SLC44A5: variants seen among roughly 807,000 people sequenced by gnomAD.
The protein encoded by SLC44A5 is solute carrier family 44 member 5, also known as choline transporter-like protein 5.
Under a neutral mutation model 101.8 loss-of-function variants are expected in SLC44A5, and 57 were observed. The observed-to-expected ratio is 0.56, with a 90% CI of 0.45 to 0.70. The LOEUF (loss-of-function observed/expected upper bound fraction) is 0.70. SLC44A5 is among the 30% of genes least tolerant of loss of function. SLC44A5 has a pLI of 0.00. For missense variants in SLC44A5, 737 were observed against 853.1 expected (o/e 0.86, Z 1.70); for synonymous variants, 281 against 290.9 (o/e 0.97, Z 0.35).
intron 19 of SLC44A5, among the ~76,000 whole-genome samples, chr1:75,214,955 C>T (rs773782026): frequency 2.6e-5 from 4 of 152,118 alleles, no homozygotes; most frequent in Non-Finnish European, 4.4e-5. Flanking sequence ...TTCCCAAATT[C>T]CAGATAATGG....
In SLC44A5 at chr1:75,313,087, G is replaced by A. The variant is rs17096698; in HGVS notation, c.102-12402C>T. Among the ~76,000 whole-genome samples the A allele has an allele frequency of 9.4e-3, 1,435 of 152,232 alleles. 33 individuals are homozygous for A. The highest frequency in any genetic ancestry group is 0.033 in the African/African-American group (1,351 of 41,538). On this transcript the variant is annotated intron_variant, in intron 4 of 23. Transcript: ENST00000370859. ...TTGGGATGAAGTGTGTGGTGAATGC[G>A]GTGTGGTAGCAACACAGAAGAGAAT...
chr1:75,636,658 A>G, the SLC44A5 span, among the ~76,000 whole-genome samples: 1 of 152,266 alleles, frequency 6.6e-6, no homozygotes, highest in South Asian at 2.1e-4. Context: ...AGCTTTGCCA[A>G]TAAGGAATTT....
At chr1:75,262,130 G>A (rs1047791320) in intron 6 of SLC44A5, among the ~76,000 whole-genome samples, 2 of 152,118 alleles carry the variant, frequency 1.3e-5, no homozygotes, top group African/African-American at 4.8e-5. Context: ...TAGAAGTTCT[G>A]GCCAGGGCAA....
At chr1:75,506,532 C>T (rs1285661610) in intron 2 of SLC44A5, among the ~76,000 whole-genome samples, 3 of 152,002 alleles carry the variant, frequency 2.0e-5, no homozygotes, top group South Asian at 2.1e-4. Flanking sequence ...AGCAGTGTTT[C>T]GTAGTTCTTG....
At chr1:75,688,459 G>A in the SLC44A5 span, among the ~76,000 whole-genome samples, 2 of 151,264 alleles carry the variant, frequency 1.3e-5, no homozygotes, top group Admixed American at 1.3e-4. Flanking sequence ...CCAGGCCTAT[G>A]GTTCTTAAGA....
chr1:75,617,722 G>T, the SLC44A5 span, among the ~76,000 whole-genome samples: 1 of 152,038 alleles, frequency 6.6e-6, no homozygotes, highest in Non-Finnish European at 1.5e-5. Flanking sequence ...TCAGAAATAA[G>T]ACTGACTCAA....
At chr1:75,332,683 A>G (rs1657140601) in intron 4 of SLC44A5, among the ~76,000 whole-genome samples, 1 of 152,176 alleles carries the variant, frequency 6.6e-6, no homozygotes, top group South Asian at 2.1e-4. Context: ...GATGTTGAAG[A>G]AGGGGTTCAT....
chr1:75,282,656 G>A (rs951458404), intron 5 of SLC44A5, among the ~76,000 whole-genome samples: 8 of 152,038 alleles, frequency 5.3e-5, no homozygotes, highest in South Asian at 2.1e-4. Context: ...GTGCAGTTTC[G>A]CCGTGCTGTT....
intron 2 of SLC44A5, among the ~76,000 whole-genome samples, chr1:75,470,010 A>G (rs1667021381): frequency 6.6e-6 from 1 of 151,964 alleles, no homozygotes; most frequent in Non-Finnish European, 1.5e-5. Flanking sequence ...ATATTTCCTA[A>G]GCTCCTAAAA....
At chr1:75,506,904 ATTCTT>A (rs1669288837) in intron 2 of SLC44A5, among the ~76,000 whole-genome samples, 1 of 103,444 alleles carries the variant, frequency 9.7e-6, no homozygotes, top group African/African-American at 3.7e-5. Context: ...TCCTATTCCT[ATTCTT>A]TTTTTTTTTT....
chr1:75,368,942 C>T (rs758162362), intron 3 of SLC44A5, among the ~76,000 whole-genome samples: 1 of 151,960 alleles, frequency 6.6e-6, no homozygotes, highest in Non-Finnish European at 1.5e-5. Flanking sequence ...AGCAGGTATA[C>T]ATCTCTCTTA....
intron 5 of SLC44A5, among the ~76,000 whole-genome samples, chr1:75,293,400 G>C (rs1437950897): frequency 1.3e-5 from 2 of 152,162 alleles, no homozygotes; most frequent in Non-Finnish European, 2.9e-5. Context: ...AAAATTAACT[G>C]CATATCTGTT....
Position 75,213,179 on chromosome 1 carries a change from C to T in SLC44A5, c.1962+526G>A, listed in dbSNP as rs116216928. ...TCTCAGGAGACAGCTTCCTGACATACCTTCCGCATGCAATCCTCTGTCTCA... is the reference window on the plus strand; with the variant it reads ...TCTCAGGAGACAGCTTCCTGACATATCTTCCGCATGCAATCCTCTGTCTCA... On this transcript the variant is annotated intron_variant, in intron 22 of 23. Transcript: ENST00000370859. Among the ~76,000 whole-genome samples the T allele has an allele frequency of 7.9e-4, 121 of 152,290 alleles. 1 individual carries two copies. The highest frequency in any genetic ancestry group is 2.8e-3 in the African/African-American group (117 of 41,566).
At chr1:75,652,027 C>A in the SLC44A5 span, among the ~76,000 whole-genome samples, 1 of 152,148 alleles carries the variant, frequency 6.6e-6, no homozygotes, top group Non-Finnish European at 1.5e-5. Context: ...GGGGCTCAAG[C>A]ATGCTTATTA....
chr1:75,400,765 A>G (rs917530975), intron 2 of SLC44A5, among the ~76,000 whole-genome samples: 2 of 152,114 alleles, frequency 1.3e-5, no homozygotes, highest in Admixed American at 6.5e-5. Flanking sequence ...TGAAGACTGA[A>G]TCCCACTCTT....
chr1:75,259,567 A>C (rs2100682805), intron 6 of SLC44A5, among the ~76,000 whole-genome samples: 1 of 152,268 alleles, frequency 6.6e-6, no homozygotes, highest in Admixed American at 6.5e-5. Flanking sequence ...GTGTACCTGA[A>C]AGTGACAGGG....
chr1:75,240,650 A>C (rs1027145135), intron 9 of SLC44A5, among the ~76,000 whole-genome samples: 5 of 152,196 alleles, frequency 3.3e-5, no homozygotes, highest in Non-Finnish European at 7.4e-5. Flanking sequence ...TCTTTGCTTC[A>C]AGGTCTTTTA....
At chr1:75,265,835 A>AT (rs1553151685) in intron 6 of SLC44A5, among the ~76,000 whole-genome samples, 2 of 152,170 alleles carry the variant, frequency 1.3e-5, no homozygotes, top group Non-Finnish European at 2.9e-5. Context: ...TGTTCAAAGT[A>AT]ATTTCGGCAC....
In SLC44A5 at chr1:75,243,010, A is replaced by G. The variant is rs148670291; in HGVS notation, c.347T>C (p.Ile116Thr). The change falls in exon 8 of 24, where the codon ATC (isoleucine) becomes ACC (threonine). Residue 116 changes from isoleucine (I) to threonine (T), a missense_variant and splice_region_variant. Physicochemically the swap from Ile to Thr is moderately conservative, Grantham distance 89. Coordinates refer to ENST00000370859, the MANE Select transcript of SLC44A5 (RefSeq NM_001130058.2). ...TTTTTCTGGGCACTTGGAGACACAG[A>G]TCTGTGAACGAACAAAGTGATGAGA... The part of the protein sequence containing the change: ...LLNLQCPTTQ[I>T]CVSKCPEKFL... The G allele has an allele frequency of 2.5e-6, 4 of 1,610,440 alleles. No individual in the cohort carries two copies. Among genetic ancestry groups the G allele is most frequent in the African/African-American group, 1.3e-5 (1 of 74,668 alleles).
Sources: gnomAD v4.1 joint callset for allele counts (sites outside exome capture counted in the v4.1 genomes callset) on GRCh38, gnomAD v4.1.1 for gene constraint, MANE v1.5 for transcripts, NCBI Gene and HGNC (gene_info 2026-07-23, HGNC 2026-07-21) for gene names.